EXOC4: variants seen among roughly 807,000 people sequenced by gnomAD.
EXOC4 encodes the protein exocyst complex component 4, also known as SEC8-like 1.
EXOC4 carries 71 observed loss-of-function variants against 107.2 expected under a neutral mutation model. The observed-to-expected ratio is 0.66, with a 90% CI of 0.55 to 0.81. The LOEUF is 0.81. Among genes scored for constraint, EXOC4 ranks in the 30% least tolerant of loss-of-function variants. The pLI is 0.00. For synonymous variants in EXOC4, 456 were observed against 441.2 expected (o/e 1.03, Z -0.42); for missense variants, 1,108 against 1,189.6 (o/e 0.93, Z 1.01).
At chr7:133,436,885 G>T (rs1356896989) in intron 7 of EXOC4, among the ~76,000 whole-genome samples, 1 of 151,998 alleles carries the variant, frequency 6.6e-6, no homozygotes, top group East Asian at 1.9e-4. Context: ...CATGAGCTTA[G>T]TGTCAATTTC....
intron 10 of EXOC4, among the ~76,000 whole-genome samples, chr7:133,763,351 C>T (rs964746437): frequency 2.6e-5 from 4 of 152,066 alleles, no homozygotes; most frequent in African/African-American, 9.7e-5. Context: ...TCCCTTTCAC[C>T]TAGCACAGTC....
At chr7:133,275,642 G>A (rs1003874193) in intron 2 of EXOC4, among the ~76,000 whole-genome samples, 2 of 152,090 alleles carry the variant, frequency 1.3e-5, no homozygotes, top group Non-Finnish European at 2.9e-5. Flanking sequence ...GCAGCCAGTC[G>A]AATACCCTTT....
chr7:133,919,751 C>T (rs1461616934), intron 13 of EXOC4, among the ~76,000 whole-genome samples: 1 of 152,066 alleles, frequency 6.6e-6, no homozygotes, highest in African/African-American at 2.4e-5. Flanking sequence ...GAATTATGTT[C>T]CATTTCATAG....
At chr7:133,644,731 C>G (rs1288242919) in intron 10 of EXOC4, among the ~76,000 whole-genome samples, 2 of 152,128 alleles carry the variant, frequency 1.3e-5, no homozygotes, top group Non-Finnish European at 2.9e-5. Flanking sequence ...TGAAGAGAGC[C>G]ATTCCCAGGT....
intron 1 of EXOC4, chr7:133,253,469 T>A: frequency 8.5e-7 from 1 of 1,172,500 alleles, no homozygotes; most frequent in Non-Finnish European, 1.1e-6. Flanking sequence ...CTATTTGGGT[T>A]TGGTAGAGAA....
intron 11 of EXOC4, among the ~76,000 whole-genome samples, chr7:133,864,456 AT>A (rs781729907): frequency 1.1e-4 from 16 of 152,040 alleles, no homozygotes; most frequent in Non-Finnish European, 1.6e-4. Flanking sequence ...AGTCTCATTA[AT>A]TTACAAAAAG....
At chr7:133,723,407 G>C (rs1795147174) in intron 10 of EXOC4, among the ~76,000 whole-genome samples, 1 of 152,284 alleles carries the variant, frequency 6.6e-6, no homozygotes, top group East Asian at 1.9e-4. Context: ...CAAGAGAAAT[G>C]GTATATCCCC....
chr7:133,817,603 G>A (rs901054238), intron 11 of EXOC4, 59 bp downstream of exon 11: 10 of 1,270,382 alleles, frequency 7.9e-6, no homozygotes, highest in Non-Finnish European at 1.1e-5. Context: ...CTTGGCAAGT[G>A]TCATAAATTT....
chr7:133,944,272 A>G (rs566593832), intron 14 of EXOC4, among the ~76,000 whole-genome samples: 49 of 152,274 alleles, frequency 3.2e-4, no homozygotes, highest in African/African-American at 1.2e-3. Context: ...TATATCACAT[A>G]GTGATGTCTC....
At chr7:133,963,092 T>G (rs1800983666) in intron 14 of EXOC4, among the ~76,000 whole-genome samples, 1 of 152,198 alleles carries the variant, frequency 6.6e-6, no homozygotes, top group South Asian at 2.1e-4. Flanking sequence ...AGGAAGGGAG[T>G]ACCGCAGCCT....
intron 10 of EXOC4, among the ~76,000 whole-genome samples, chr7:133,654,524 A>G (rs758465495): frequency 1.3e-4 from 20 of 152,186 alleles, no homozygotes; most frequent in Non-Finnish European, 2.5e-4. Context: ...ATGGATTAAC[A>G]CTTTTAGAGG....
intron 9 of EXOC4, among the ~76,000 whole-genome samples, chr7:133,612,367 G>T (rs1405855494): frequency 6.6e-6 from 1 of 152,050 alleles, no homozygotes; most frequent in African/African-American, 2.4e-5. Flanking sequence ...ATTTATATTG[G>T]ATTTTACTCT....
intron 7 of EXOC4, among the ~76,000 whole-genome samples, chr7:133,390,295 C>T (rs988086950): frequency 1.5e-4 from 23 of 152,178 alleles, no homozygotes; most frequent in Non-Finnish European, 7.4e-5. Context: ...ATTACACTGT[C>T]TTTAGAGACT....
intron 15 of EXOC4, 75 bp downstream of exon 15, chr7:133,997,708 C>T (rs976494404): frequency 6.7e-7 from 1 of 1,485,728 alleles, no homozygotes; most frequent in Non-Finnish European, 9.2e-7. Flanking sequence ...TATTTCCAGG[C>T]AGTATCACCA....
chr7:133,526,952 C>T (rs1417443395), intron 9 of EXOC4, among the ~76,000 whole-genome samples: 1 of 150,788 alleles, frequency 6.6e-6, no homozygotes, highest in Non-Finnish European at 1.5e-5. Flanking sequence ...AGCCTGGCAA[C>T]AGAGCGAGAC....
At chr7:133,946,941 G>A (rs1800565548) in intron 14 of EXOC4, among the ~76,000 whole-genome samples, 1 of 152,086 alleles carries the variant, frequency 6.6e-6, no homozygotes, top group South Asian at 2.1e-4. Flanking sequence ...TCCTCACATA[G>A]CCTTGTCTTC....
At position 133,258,384 on chromosome 7, in the gene EXOC4, C is replaced by G. The variant is rs1169538099; in HGVS notation, c.86+5197C>G. Among the ~76,000 whole-genome samples, 3 of 152,240 alleles carry G rather than the reference C, an allele frequency of 2.0e-5. No individual in the cohort carries two copies. In the East Asian group the frequency reaches 5.8e-4, roughly 29 times the overall value. On this transcript the variant is annotated intron_variant, in intron 1 of 17. Coordinates refer to ENST00000253861, the MANE Select transcript of EXOC4 (RefSeq NM_021807.4). The stretch of plus-strand genomic sequence containing the variant: ...GCCATTATTTGTACATAGATGTGGT[C>G]ACAGCCTGTGGTGTGAATTGCTGTG...
At chr7:133,560,547 G>A (rs1023044881) in intron 9 of EXOC4, among the ~76,000 whole-genome samples, 2 of 152,178 alleles carry the variant, frequency 1.3e-5, no homozygotes, top group African/African-American at 2.4e-5. Context: ...GCCTCCCAAA[G>A]TGATGGGATT....
chr7:133,494,401 A>C (rs184073724), intron 9 of EXOC4, among the ~76,000 whole-genome samples: 109 of 152,346 alleles, frequency 7.2e-4, no homozygotes, highest in Non-Finnish European at 1.1e-3. Context: ...AGCAAGCAAT[A>C]AATTGTTTAT....
Sources: gnomAD v4.1 joint callset for allele counts (sites outside exome capture counted in the v4.1 genomes callset) on GRCh38, gnomAD v4.1.1 for gene constraint, MANE v1.5 for transcripts, NCBI Gene and HGNC (gene_info 2026-07-23, HGNC 2026-07-21) for gene names.